SMARCC1: variants seen among roughly 807,000 people sequenced by gnomAD.
The protein encoded by SMARCC1 is SWI/SNF related BAF chromatin remodeling complex subunit C1, also known as SWI/SNF complex subunit SMARCC1.
Under a neutral mutation model 147.4 loss-of-function variants are expected in SMARCC1, and 43 were observed. That is an observed-to-expected ratio of 0.29 (90% CI 0.23 to 0.38). The LOEUF is 0.38. SMARCC1 is among the 10% of genes least tolerant of loss of function. SMARCC1 has a pLI of 1.00. For missense variants in SMARCC1, 1,119 were observed against 1,381.1 expected, an observed-to-expected ratio of 0.81 and a Z score of 3.01; for synonymous variants, 495 against 484.4, an observed-to-expected ratio of 1.02 and a Z score of -0.29.
intron 21 of SMARCC1, 69 bp from the exon 22 acceptor site, chr3:47,638,849 T>C: frequency 9.8e-7 from 1 of 1,024,412 alleles, no homozygotes; most frequent in Non-Finnish European, 1.6e-6. Context: ...TATACAGCTG[T>C]GAGAGTGTCT....
At chr3:47,678,116 C>A in intron 16 of SMARCC1, 82 bp downstream of exon 16, 2 of 665,858 alleles carry the variant, frequency 3.0e-6, no homozygotes, top group South Asian at 6.0e-5. Context: ...TTGAAACAAC[C>A]AGTTTAATCA....
intron 10 of SMARCC1, 115 bp downstream of exon 10, chr3:47,706,294 A>G: frequency 1.0e-6 from 1 of 956,824 alleles, no homozygotes; most frequent in Non-Finnish European, 1.4e-6. Flanking sequence ...CTGGATTTGA[A>G]CTACTGACCT....
intron 13 of SMARCC1, among the ~76,000 whole-genome samples, chr3:47,687,785 G>A (rs997284904): frequency 5.9e-5 from 9 of 152,108 alleles, no homozygotes; most frequent in Non-Finnish European, 1.3e-4. Context: ...ATTAAAAAAA[G>A]AGTGTCTTGC....
At chr3:47,729,930 A>G (rs2034347917) in intron 5 of SMARCC1, among the ~76,000 whole-genome samples, 1 of 152,156 alleles carries the variant, frequency 6.6e-6, no homozygotes, top group African/African-American at 2.4e-5. Context: ...CATGTCTGTA[A>G]TCCTAGCAAT....
chr3:47,768,614 G>A (rs2034869441), intron 2 of SMARCC1, among the ~76,000 whole-genome samples: 1 of 152,020 alleles, frequency 6.6e-6, no homozygotes, highest in Non-Finnish European at 1.5e-5. Context: ...CAATCAATAT[G>A]TACTATATTA....
intron 1 of SMARCC1, among the ~76,000 whole-genome samples, chr3:47,779,698 T>G (rs1251988475): frequency 6.6e-6 from 1 of 152,206 alleles, no homozygotes; most frequent in Admixed American, 6.6e-5. Flanking sequence ...TAAAGCTTCT[T>G]GTAGTTGATC....
chr3:47,664,044 T>C (rs1044455806), intron 19 of SMARCC1: 2 of 591,268 alleles, frequency 3.4e-6, no homozygotes, highest in Non-Finnish European at 5.7e-6. Flanking sequence ...GGCCCATGCG[T>C]CGTTGGGGGA....
chr3:47,760,892 G>T, intron 2 of SMARCC1, among the ~76,000 whole-genome samples: 1 of 151,934 alleles, frequency 6.6e-6, no homozygotes, highest in East Asian at 1.9e-4. Flanking sequence ...CAGCACTTTG[G>T]GAGGCCAAGG....
chr3:47,716,454 C>T (rs1468929954), intron 7 of SMARCC1, among the ~76,000 whole-genome samples: 2 of 147,222 alleles, frequency 1.4e-5, no homozygotes, highest in Admixed American at 6.8e-5. Flanking sequence ...ACCTTATACT[C>T]TTCCAGTCTT....
rs11721100 is a variant in SMARCC1 at position 47,772,098 on chromosome 3, T to C, written c.315+719A>G. 5.6e-3 allele frequency among the ~76,000 whole-genome samples: 848 copies of C among 151,592 alleles called. 5 individuals are homozygous for C. Among genetic ancestry groups the C allele is most frequent in the South Asian group, 0.016 (78 of 4,774 alleles). On this transcript the variant is annotated intron_variant, in intron 2 of 27. Transcript: ENST00000254480. ...ATAAATTAATTAAATAAAATAAAGA[T>C]AGCAGAGAAGGGCTGGTGTGGTGGC...
At chr3:47,742,701 G>A (rs887179291) in intron 3 of SMARCC1, among the ~76,000 whole-genome samples, 5 of 152,090 alleles carry the variant, frequency 3.3e-5, no homozygotes, top group African/African-American at 1.2e-4. Context: ...TCCCACCTCA[G>A]CATCCGGAGT....
At chr3:47,615,003 G>T (rs985224663) in intron 25 of SMARCC1, among the ~76,000 whole-genome samples, 8 of 152,048 alleles carry the variant, frequency 5.3e-5, no homozygotes, top group Non-Finnish European at 7.4e-5. Context: ...CTGCCTCAGG[G>T]CCTCTGCACT....
chr3:47,612,834 A>G (rs2032582412), intron 25 of SMARCC1, among the ~76,000 whole-genome samples: 1 of 152,232 alleles, frequency 6.6e-6, no homozygotes, highest in Admixed American at 6.5e-5. Flanking sequence ...ATGTGGGGCC[A>G]AACATGTCCT....
At chr3:47,666,117 G>A (rs747359211) in intron 19 of SMARCC1, among the ~76,000 whole-genome samples, 5 of 151,914 alleles carry the variant, frequency 3.3e-5, no homozygotes, top group African/African-American at 4.8e-5. Flanking sequence ...TACTTCTCCC[G>A]CCCTATTCCC....
At chr3:47,666,043 TA>T (rs1404062201) in intron 19 of SMARCC1, among the ~76,000 whole-genome samples, 7 of 152,204 alleles carry the variant, frequency 4.6e-5, no homozygotes, top group Admixed American at 4.6e-4. Flanking sequence ...CTCTCCTGCC[TA>T]AAACTATTTT....
intron 7 of SMARCC1, among the ~76,000 whole-genome samples, chr3:47,718,306 G>C (rs1480933187): frequency 6.6e-6 from 1 of 152,044 alleles, no homozygotes; most frequent in Non-Finnish European, 1.5e-5. Flanking sequence ...TTAGCCAGGT[G>C]TGGTGGCATG....
At chr3:47,719,268 T>C (rs2034201307) in intron 7 of SMARCC1, among the ~76,000 whole-genome samples, 1 of 152,170 alleles carries the variant, frequency 6.6e-6, no homozygotes, top group Non-Finnish European at 1.5e-5. Context: ...ATTCATACTG[T>C]AGATACTGAA....
At chr3:47,744,202 C>T (rs900944036) in intron 3 of SMARCC1, among the ~76,000 whole-genome samples, 1 of 152,024 alleles carries the variant, frequency 6.6e-6, no homozygotes, top group Non-Finnish European at 1.5e-5. Context: ...AGTGCAGTGG[C>T]GCAATCTCAG....
chr3:47,771,841 G>C (rs1028854702), intron 2 of SMARCC1, among the ~76,000 whole-genome samples: 1 of 151,578 alleles, frequency 6.6e-6, no homozygotes, highest in African/African-American at 2.4e-5. Context: ...CGGCACTTTG[G>C]GAGGCCGAGG....
Sources: gnomAD v4.1 joint callset for allele counts (sites outside exome capture counted in the v4.1 genomes callset) on GRCh38, gnomAD v4.1.1 for gene constraint, MANE v1.5 for transcripts, NCBI Gene and HGNC (gene_info 2026-07-23, HGNC 2026-07-21) for gene names.